Variants in HPSE2 observed in about 807,000 individuals in gnomAD.
HPSE2 encodes the protein heparanase 2 (inactive), also known as inactive heparanase-2.
HPSE2 carries 38 observed loss-of-function variants against 60.5 expected under a neutral mutation model. The ratio of observed to expected loss-of-function variants is 0.63; its 90% CI spans 0.48 to 0.82. HPSE2 has a LOEUF of 0.82. Ranked by LOEUF, HPSE2 falls within the 40% of genes least tolerant of loss-of-function variation. HPSE2 has a pLI of 0.00. For missense variants in HPSE2, 713 were observed against 740.4 expected (o/e 0.96, Z 0.43); for synonymous variants, 295 against 293.2 (o/e 1.01, Z -0.06).
intron 5 of HPSE2, among the ~76,000 whole-genome samples, chr10:98,715,513 T>C (rs1948770178): frequency 6.6e-6 from 1 of 151,996 alleles, no homozygotes; most frequent in Non-Finnish European, 1.5e-5. Flanking sequence ...TTTTTGTGTC[T>C]TGTGATCTTT....
rs187442561 is a variant in HPSE2 at position 98,527,752 on chromosome 10, G to A, written c.1321-37556C>T. Among the ~76,000 whole-genome samples the A allele has an allele frequency of 3.3e-3, 505 of 152,106 alleles. 4 individuals carry two copies. Among genetic ancestry groups the A allele is most frequent in the African/African-American group, 0.011 (470 of 41,474 alleles). ...CTGTTTCCTTTGTAGCTATATTCCC[G>A]GAGCCTAGCACAGTGTTGGCACAAG... On this transcript the variant is annotated intron_variant, in intron 9 of 11. Transcript: ENST00000370552.
chr10:98,744,353 C>T (rs562721726), intron 3 of HPSE2, among the ~76,000 whole-genome samples: 2 of 151,950 alleles, frequency 1.3e-5, no homozygotes, highest in African/African-American at 2.4e-5. Context: ...CCTGGAGAAA[C>T]CCCATCTCTA....
intron 9 of HPSE2, among the ~76,000 whole-genome samples, chr10:98,608,910 G>A (rs1945670969): frequency 6.6e-6 from 1 of 152,050 alleles, no homozygotes; most frequent in South Asian, 2.1e-4. Flanking sequence ...ACCACCTCCA[G>A]GTCTGTAGCT....
At chr10:99,046,477 C>T (rs1384605110) in intron 3 of HPSE2, among the ~76,000 whole-genome samples, 1 of 151,986 alleles carries the variant, frequency 6.6e-6, no homozygotes, top group Non-Finnish European at 1.5e-5. Context: ...AAGTGCTAGC[C>T]AGTGCAATCA....
intron 9 of HPSE2, among the ~76,000 whole-genome samples, chr10:98,593,333 G>C (rs571447635): frequency 6.6e-6 from 1 of 152,210 alleles, no homozygotes; most frequent in African/African-American, 2.4e-5. Context: ...ATGCAATCTG[G>C]GACTGGCTCA....
chr10:99,231,326 A>T (rs1005248389), intron 2 of HPSE2, among the ~76,000 whole-genome samples: 4 of 152,220 alleles, frequency 2.6e-5, no homozygotes, highest in Non-Finnish European at 5.9e-5. Context: ...CCCTTTACAT[A>T]TAAAACTAGT....
chr10:99,205,073 C>T (rs1461809906), intron 2 of HPSE2, among the ~76,000 whole-genome samples: 1 of 152,080 alleles, frequency 6.6e-6, no homozygotes, highest in Non-Finnish European at 1.5e-5. Flanking sequence ...AAATAATAGA[C>T]ACCAGCAACT....
chr10:98,796,419 A>C (rs1468548292), intron 3 of HPSE2, among the ~76,000 whole-genome samples: 1 of 152,236 alleles, frequency 6.6e-6, no homozygotes, highest in Non-Finnish European at 1.5e-5. Context: ...GGTGGTGGCC[A>C]CACAGAAAGG....
chr10:99,099,610 T>G (rs1291653194), intron 3 of HPSE2, among the ~76,000 whole-genome samples: 1 of 152,196 alleles, frequency 6.6e-6, no homozygotes, highest in African/African-American at 2.4e-5. Context: ...TCTGCAGATT[T>G]AAATGTCCCT....
chr10:98,776,275 A>C (rs1404184292), intron 3 of HPSE2, among the ~76,000 whole-genome samples: 1 of 69,536 alleles, frequency 1.4e-5, no homozygotes, highest in East Asian at 3.9e-4. Flanking sequence ...TCTACTAAAA[A>C]TACAAAAAAA....
At chr10:98,791,725 T>C (rs1950659295) in intron 3 of HPSE2, among the ~76,000 whole-genome samples, 3 of 152,304 alleles carry the variant, frequency 2.0e-5, no homozygotes, top group African/African-American at 7.2e-5. Flanking sequence ...ACCTTTTTCT[T>C]ATATTGTCTA....
upstream of HPSE2, among the ~76,000 whole-genome samples, chr10:99,237,071 T>C (rs1483362064): frequency 4.6e-5 from 7 of 152,154 alleles, no homozygotes; most frequent in Non-Finnish European, 8.8e-5. Flanking sequence ...GACCCGCCGC[T>C]GCTCATTGAG....
chr10:98,597,970 CAAAAAAAAAAAAA>C (rs571184082), intron 9 of HPSE2, among the ~76,000 whole-genome samples: 2 of 55,152 alleles, frequency 3.6e-5, no homozygotes, highest in Admixed American at 2.1e-4. Context: ...GACTCCATCT[CAAAAAAAAAAAAA>C]AAAAAAAAAA....
intron 3 of HPSE2, among the ~76,000 whole-genome samples, chr10:99,058,390 T>A (rs1958161524): frequency 6.6e-6 from 1 of 152,208 alleles, no homozygotes; most frequent in Non-Finnish European, 1.5e-5. Flanking sequence ...TCACTTCCAT[T>A]TCCTCACAAA....
intron 3 of HPSE2, among the ~76,000 whole-genome samples, chr10:98,983,054 A>T (rs79029516): frequency 6.6e-6 from 1 of 152,218 alleles, no homozygotes; most frequent in Non-Finnish European, 1.5e-5. Flanking sequence ...AATGCCAGAC[A>T]ATGTGCTAAA....
At chr10:98,807,024 T>A (rs1026768849) in intron 3 of HPSE2, among the ~76,000 whole-genome samples, 1 of 152,148 alleles carries the variant, frequency 6.6e-6, no homozygotes, top group African/African-American at 2.4e-5. Flanking sequence ...GCATCTGTAA[T>A]CCCAGCTATT....
intron 9 of HPSE2, among the ~76,000 whole-genome samples, chr10:98,536,123 C>T (rs764809233): frequency 6.6e-6 from 1 of 152,224 alleles, no homozygotes; most frequent in Non-Finnish European, 1.5e-5. Flanking sequence ...CCTGCATGGA[C>T]AGGTTAGCTC....
At chr10:99,091,948 C>T (rs1235931391) in intron 3 of HPSE2, among the ~76,000 whole-genome samples, 1 of 152,152 alleles carries the variant, frequency 6.6e-6, no homozygotes, top group Non-Finnish European at 1.5e-5. Flanking sequence ...TGCATGAGCT[C>T]AATTGCTGAG....
chr10:99,052,301 G>C (rs1321480070), intron 3 of HPSE2, among the ~76,000 whole-genome samples: 1 of 151,466 alleles, frequency 6.6e-6, no homozygotes, highest in African/African-American at 2.4e-5. Context: ...AAATAGATGA[G>C]ATTAATAGAA....
Sources: gnomAD v4.1 joint callset for allele counts (sites outside exome capture counted in the v4.1 genomes callset) on GRCh38, gnomAD v4.1.1 for gene constraint, MANE v1.5 for transcripts, NCBI Gene and HGNC (gene_info 2026-07-23, HGNC 2026-07-21) for gene names.